Variants in NLRC5 observed in about 807,000 individuals in gnomAD.
The protein encoded by NLRC5 is protein NLRC5.
Under a neutral mutation model 206.9 loss-of-function variants are expected in NLRC5, and 114 were observed. That is an observed-to-expected ratio of 0.55 (90% confidence interval 0.47 to 0.64). The LOEUF (loss-of-function observed/expected upper bound fraction) is 0.64. NLRC5 is among the 30% of genes least tolerant of loss of function. The pLI, the probability that NLRC5 is intolerant of heterozygous loss-of-function variation, is 0.00. For synonymous variants in NLRC5, 952 were observed against 962.8 expected, an observed-to-expected ratio of 0.99 and a Z score of 0.21; for missense variants, 2,008 against 2,305.5, an observed-to-expected ratio of 0.87 and a Z score of 2.64.
At chr16:57,063,023 T>C (rs1434175854) in intron 32 of NLRC5, among the ~76,000 whole-genome samples, 4 of 152,192 alleles carry the variant, frequency 2.6e-5, no homozygotes, top group African/African-American at 9.7e-5. Context: ...ATTTGTCTTT[T>C]TGTGACTGGC....
chr16:57,035,241 T>C (rs1672868), intron 13 of NLRC5, among the ~76,000 whole-genome samples: 60,384 of 151,792 alleles, frequency 0.4, 12,206 homozygotes, highest in Non-Finnish European at 0.43. Context: ...CCTCCACCTT[T>C]CTAGTCCAAC....
intron 1 of NLRC5, among the ~76,000 whole-genome samples, chr16:57,008,011 G>T (rs1309559113): frequency 1.3e-5 from 2 of 152,000 alleles, no homozygotes; most frequent in Non-Finnish European, 2.9e-5. Context: ...GTTTCATCCA[G>T]TTGTTTTTTT....
At chr16:57,053,440 G>A (rs1481929259) in intron 24 of NLRC5, among the ~76,000 whole-genome samples, 2 of 152,140 alleles carry the variant, frequency 1.3e-5, no homozygotes, top group African/African-American at 4.8e-5. Context: ...AGATGGGCTC[G>A]GGTTGGGTTG....
intron 1 of NLRC5, among the ~76,000 whole-genome samples, chr16:57,014,832 C>T (rs974072333): frequency 5.3e-5 from 8 of 152,134 alleles, no homozygotes; most frequent in Admixed American, 1.3e-4. Context: ...GGAGAGGATG[C>T]GCTTCCTGGT....
At chr16:57,072,048 C>T (rs775953215) in intron 38 of NLRC5, among the ~76,000 whole-genome samples, 36 of 152,198 alleles carry the variant, frequency 2.4e-4, no homozygotes, top group Non-Finnish European at 4.6e-4. Context: ...TCAAAGCAAT[C>T]CAAGACAGAA....
chr16:56,994,684 A>G (rs1216110634), intron 1 of NLRC5, among the ~76,000 whole-genome samples: 1 of 152,010 alleles, frequency 6.6e-6, no homozygotes, highest in Admixed American at 6.6e-5. Flanking sequence ...GCAGGGAACC[A>G]TGGGCCATGG....
At chr16:57,060,030 AT>A (rs2066226957) in intron 30 of NLRC5, among the ~76,000 whole-genome samples, 3 of 122,866 alleles carry the variant, frequency 2.4e-5, no homozygotes, top group Non-Finnish European at 4.6e-5. Flanking sequence ...AACTGTTATT[AT>A]TATTATTATT....
chr16:57,067,664 C>T, intron 35 of NLRC5, 72 bp from the exon 36 acceptor site: 1 of 1,485,510 alleles, frequency 6.7e-7, no homozygotes. Flanking sequence ...TCTTGGCACC[C>T]CCTTCTGGAT....
chr16:57,007,614 C>T lies in NLRC5; in HGVS notation c.-127-9460C>T, dbSNP rs779767514. ...GCATGGTGGCTCGTGCCTGTAATCC[C>T]AGCTATTGGGAGGCTGAGGCAGAAG... is the stretch of plus-strand genomic sequence containing the variant. On this transcript the variant is annotated intron_variant, in intron 1 of 48. Transcript: ENST00000688547. Among the ~76,000 whole-genome samples, 12 of 151,998 alleles carry T rather than the reference C, an allele frequency of 7.9e-5. No individual in the cohort carries two copies. The South Asian group carries it at 2.3e-3, about 29-fold the overall frequency.
Position 57,054,883 on chromosome 16 carries a change from T to C in NLRC5, c.3596+43T>C, listed in dbSNP as rs779887968. ...ACAGCCAGGACTCGTCCTGAAGGGT[T>C]GTGCCTGGAGTCTGGTGGGTATGAG... On this transcript the variant is annotated intron_variant, in intron 25 of 48. Transcript: ENST00000688547. 8.7e-6 allele frequency: 14 copies of C among 1,602,572 alleles called. No homozygotes were observed. In the South Asian group the frequency reaches 1.4e-4, roughly 16 times the overall value.
Position 57,057,960 on chromosome 16 carries a change from G to C in NLRC5, c.3747-105G>C, listed in dbSNP as rs2144550659. On this transcript the variant is annotated intron_variant, in intron 27 of 48. Transcript: ENST00000688547. Reference sequence around the variant, plus strand: ...GTGGTGGCGCTGGTGACCCTGACATGGGGTCCAGTAGCAGTGACAGTGGAT... The same window carrying C: ...GTGGTGGCGCTGGTGACCCTGACATCGGGTCCAGTAGCAGTGACAGTGGAT... 5 of 870,710 alleles carry C rather than the reference G, an allele frequency of 5.7e-6. No individual in the cohort carries two copies. In the South Asian group the frequency reaches 7.1e-5, roughly 12 times the overall value. 53.9% of individuals were successfully genotyped at this position (870,710 alleles called of 1,614,324 possible). A position where few individuals can be genotyped will look rare whatever the true frequency, so the allele number is the denominator to read the frequency against.
chr16:57,048,695 G>A (rs1457439067), intron 23 of NLRC5, among the ~76,000 whole-genome samples: 2 of 152,066 alleles, frequency 1.3e-5, no homozygotes, highest in Non-Finnish European at 2.9e-5. Context: ...CATCATGCCT[G>A]GCTAATTTTT....
At chr16:56,992,885 T>G (rs1260176507) in intron 1 of NLRC5, among the ~76,000 whole-genome samples, 1 of 152,194 alleles carries the variant, frequency 6.6e-6, no homozygotes, top group African/African-American at 2.4e-5. Flanking sequence ...TATTATATCA[T>G]GTTTTAAAAT....
At chr16:57,032,773 A>G (rs1335853410) in intron 11 of NLRC5, among the ~76,000 whole-genome samples, 1 of 150,254 alleles carries the variant, frequency 6.7e-6, no homozygotes, top group East Asian at 2.0e-4. Context: ...AGGGGGCAGG[A>G]TCGCTTGAAG....
chr16:57,026,733 A>G lies in NLRC5; in HGVS notation c.1790A>G (p.Gln597Arg). The stretch of plus-strand genomic sequence containing the variant: ...GGTGCCAAGCAGGCTGCTGTAGTGC[A>G]GGTGTTGAAGAAGTTGGCCACCCGC... ...CVGAKQAAVV[Q>R]VLKKLATRKL... is the part of the protein sequence containing the mutation. Residue 597 changes from glutamine (Q) to arginine (R), a missense_variant, in exon 6 of 49, where the codon CAG becomes CGG. Coordinates refer to ENST00000688547, the MANE Select transcript of NLRC5 (RefSeq NM_001384950.1). The G allele has an allele frequency of 6.2e-7, 1 of 1,614,012 alleles. No homozygotes were observed. Among genetic ancestry groups the G allele is most frequent in the Non-Finnish European group, 8.5e-7 (1 of 1,179,908 alleles).
intron 4 of NLRC5, among the ~76,000 whole-genome samples, chr16:57,022,689 G>T (rs1426441465): frequency 2.0e-5 from 3 of 152,220 alleles, no homozygotes; most frequent in African/African-American, 7.2e-5. Context: ...GTACACCTTG[G>T]ACTTGACACT....
intron 1 of NLRC5, among the ~76,000 whole-genome samples, chr16:57,011,481 G>A (rs552225541): frequency 6.6e-6 from 1 of 152,072 alleles, no homozygotes; most frequent in Non-Finnish European, 1.5e-5. Context: ...CAGCACTTAC[G>A]GAGGCTGATG....
intron 34 of NLRC5, among the ~76,000 whole-genome samples, 163 bp from the exon 35 acceptor site, chr16:57,067,224 G>T (rs925369279): frequency 2.0e-5 from 3 of 152,154 alleles, no homozygotes; most frequent in Non-Finnish European, 4.4e-5. Flanking sequence ...GCCCCATCTG[G>T]ACTCCTGCTT....
chr16:57,044,024 C>T (rs754550932), intron 20 of NLRC5, among the ~76,000 whole-genome samples: 98 of 151,730 alleles, frequency 6.5e-4, no homozygotes, highest in African/African-American at 1.6e-3. Flanking sequence ...GGGGGCCAGG[C>T]GCGGTGGCTC....
Sources: allele counts gnomAD v4.1 joint callset (sites outside exome capture counted in the v4.1 genomes callset), GRCh38; gene constraint gnomAD v4.1.1; transcripts MANE v1.5; gene names NCBI Gene and HGNC (gene_info 2026-07-23, HGNC 2026-07-21).